Variants in BICRA observed in about 807,000 individuals in gnomAD.
BICRA encodes the protein BRD4 interacting chromatin remodeling complex associated protein, also known as BRD4-interacting chromatin-remodeling complex-associated protein.
BICRA carries 31 observed loss-of-function variants against 96.9 expected under a neutral mutation model. The ratio of observed to expected loss-of-function variants is 0.32; its 90% CI spans 0.24 to 0.43. The LOEUF (loss-of-function observed/expected upper bound fraction) is 0.43, where lower values mean the gene tolerates loss of function less well. Ranked by LOEUF, BICRA falls within the 20% of genes least tolerant of loss-of-function variation. The pLI is 1.00. For missense variants in BICRA, 2,283 were observed against 2,190.3 expected (o/e 1.04, Z -0.84); for synonymous variants, 1,350 against 1,071.8 (o/e 1.26, Z -5.07).
chr19:47,616,940 T>C (rs1164878502), intron 1 of BICRA, among the ~76,000 whole-genome samples: 2 of 152,024 alleles, frequency 1.3e-5, no homozygotes, highest in Non-Finnish European at 2.9e-5. Flanking sequence ...GTGATTCTTA[T>C]GTCTCAGCCT....
At chr19:47,653,096 C>G (rs535226094) in intron 1 of BICRA, among the ~76,000 whole-genome samples, 3 of 148,080 alleles carry the variant, frequency 2.0e-5, no homozygotes, top group East Asian at 2.0e-4. Context: ...GTTCTCAGCT[C>G]ACTGCAACCT....
intron 1 of BICRA, among the ~76,000 whole-genome samples, chr19:47,618,447 G>T (rs1206763297): frequency 6.6e-6 from 1 of 152,158 alleles, no homozygotes; most frequent in African/African-American, 2.4e-5. Context: ...TTTTGCAAGT[G>T]CCTGGCTCAG....
chr19:47,694,384 C>A lies in BICRA; in HGVS notation c.2553C>A (p.Ala851=). 3.4e-6 allele frequency: 4 copies of A among 1,169,866 alleles called. No individual in the cohort carries two copies. The highest frequency in any genetic ancestry group is 1.5e-5 in the African/African-American group (1 of 64,692). 72.5% of individuals were successfully genotyped at this position (1,169,866 alleles called of 1,614,324 possible). A position where few individuals can be genotyped will look rare whatever the true frequency, so the allele number is the denominator to read the frequency against. The change falls in exon 8 of 15, where the codon GCC becomes GCA. Residue 851 remains alanine, a synonymous_variant. Coordinates refer to ENST00000594866, the MANE Select transcript of BICRA (RefSeq NM_001394372.1). ...TTCCCCCGCCTGCCAGCAACCCGGC[C>A]CCTACTGCCCCAGGCCCGCCGCAGC... ...LGVPPPASNP[A]PTAPGPPQPP...
At chr19:47,692,602 C>T (rs1470111215) in intron 7 of BICRA, among the ~76,000 whole-genome samples, 1 of 152,212 alleles carries the variant, frequency 6.6e-6, no homozygotes, top group Non-Finnish European at 1.5e-5. Context: ...AGTCCCCAGA[C>T]CAAGCTGCCT....
At chr19:47,688,336 C>A (rs1973189700) in intron 7 of BICRA, among the ~76,000 whole-genome samples, 1 of 151,992 alleles carries the variant, frequency 6.6e-6, no homozygotes, top group Admixed American at 6.6e-5. Context: ...AGTTTTTTTG[C>A]TTTGGGAAGC....
At position 47,702,201 on chromosome 19, in the gene BICRA, A is replaced by G. The variant is rs747687068; in HGVS notation, c.4469A>G (p.Asp1490Gly). The G allele has an allele frequency of 9.7e-5, 154 of 1,594,470 alleles. No individual in the cohort carries two copies. The highest frequency in any genetic ancestry group is 1.3e-4 in the Non-Finnish European group (150 of 1,176,018). The stretch of plus-strand genomic sequence containing the variant: ...GTGGACCAGGCCAGCTTCTCCAGCG[A>G]CAGCCCGCAGGATGACACGCTCACC... ...PDVDQASFSSDSPQDDTLTEH... is the reference protein window; with the variant it reads ...PDVDQASFSSGSPQDDTLTEH... The change falls in exon 15 of 15, where the codon GAC becomes GGC. Residue 1490 changes from aspartate to glycine, a missense_variant. Asp to Gly is a moderately conservative substitution (Grantham distance 94). Transcript: ENST00000594866.
chr19:47,611,991 G>A (rs375105030), intron 1 of BICRA, among the ~76,000 whole-genome samples: 13 of 151,582 alleles, frequency 8.6e-5, no homozygotes, highest in Non-Finnish European at 1.6e-4. Flanking sequence ...CTGCCTCAGC[G>A]TCCCGAGTAG....
At chr19:47,697,881 A>G (rs1299072967) in intron 11 of BICRA, among the ~76,000 whole-genome samples, 1 of 152,116 alleles carries the variant, frequency 6.6e-6, no homozygotes, top group Non-Finnish European at 1.5e-5. Flanking sequence ...ATTTTTAAAT[A>G]ATTTTTGTAG....
intron 1 of BICRA, among the ~76,000 whole-genome samples, chr19:47,644,732 C>A (rs567577028): frequency 6.6e-6 from 1 of 152,242 alleles, no homozygotes; most frequent in South Asian, 2.1e-4. Flanking sequence ...AACTCCTGGC[C>A]TCAAGTGATC....
chr19:47,664,849 A>G (rs919307862), intron 1 of BICRA, among the ~76,000 whole-genome samples: 1 of 152,172 alleles, frequency 6.6e-6, no homozygotes, highest in Non-Finnish European at 1.5e-5. Flanking sequence ...TCTGCTCTGA[A>G]CAGACACAGT....
intron 1 of BICRA, among the ~76,000 whole-genome samples, chr19:47,666,897 A>G (rs1972787021): frequency 1.3e-5 from 2 of 152,140 alleles, no homozygotes; most frequent in South Asian, 4.1e-4. Flanking sequence ...TCTTTGAAGT[A>G]AAATTTTCCT....
intron 1 of BICRA, among the ~76,000 whole-genome samples, chr19:47,632,699 G>A (rs962429957): frequency 6.6e-6 from 1 of 152,166 alleles, no homozygotes; most frequent in African/African-American, 2.4e-5. Context: ...AGAGCAGAGA[G>A]CACACAGTCA....
intron 1 of BICRA, among the ~76,000 whole-genome samples, chr19:47,632,591 C>A (rs148817604): frequency 2.0e-5 from 3 of 152,326 alleles, no homozygotes; most frequent in Non-Finnish European, 4.4e-5. Context: ...GGGAACCGCA[C>A]GTGTGGGCTC....
At chr19:47,667,510 G>A (rs971568294) in intron 1 of BICRA, among the ~76,000 whole-genome samples, 1 of 152,148 alleles carries the variant, frequency 6.6e-6, no homozygotes, top group African/African-American at 2.4e-5. Flanking sequence ...GCCTACCAGA[G>A]CCAGGGAGGA....
intron 1 of BICRA, among the ~76,000 whole-genome samples, chr19:47,619,233 C>CTT (rs58149355): frequency 1.5e-4 from 21 of 136,316 alleles, no homozygotes; most frequent in Admixed American, 2.3e-4. Flanking sequence ...TTCCCAACCC[C>CTT]TTTTTTTTTT....
chr19:47,613,206 TC>T (rs1971934937), intron 1 of BICRA, among the ~76,000 whole-genome samples: 1 of 151,874 alleles, frequency 6.6e-6, no homozygotes, highest in South Asian at 2.1e-4. Context: ...AAGGGGGAGT[TC>T]CTGGGGGTGT....
rs749651960 is a variant in BICRA, at chr19:47,698,946, T to C, written c.3398-19T>C. The C allele has an allele frequency of 6.4e-6, 10 of 1,553,296 alleles. No individual in the cohort carries two copies. The highest frequency in any genetic ancestry group is 7.9e-6 in the Non-Finnish European group (9 of 1,143,724). On this transcript the variant is annotated intron_variant, in intron 12 of 14. Transcript: ENST00000594866. This position sits in a 1 kb window ranked among gnomAD's most constrained non-coding sequence, Gnocchi z 4.8. Reference sequence around the variant, plus strand: ...CGCCCCCAACATCTCCGCCCTTGCCTCTCTTCCCTTCCTCGCAGTGGACGA... The same window carrying C: ...CGCCCCCAACATCTCCGCCCTTGCCCCTCTTCCCTTCCTCGCAGTGGACGA...
rs140131878 is a variant in BICRA, at chr19:47,634,974, A to G, written c.-108+25806A>G. Among the ~76,000 whole-genome samples the G allele has an allele frequency of 4.0e-3, 613 of 151,924 alleles. 1 individual carries two copies. Among genetic ancestry groups the G allele is most frequent in the African/African-American group, 0.014 (567 of 41,460 alleles). On this transcript the variant is annotated intron_variant, in intron 1 of 14. Transcript: ENST00000594866. ...AGATGGGGTTTCACTGTGTTAGCCA[A>G]GATGGTCTCGATCTCCTGACCTCGT... is the stretch of plus-strand genomic sequence containing the variant.
chr19:47,674,028 G>A (rs904932528), intron 4 of BICRA, among the ~76,000 whole-genome samples: 5 of 152,152 alleles, frequency 3.3e-5, no homozygotes, highest in African/African-American at 1.2e-4. Flanking sequence ...AAATAATAAT[G>A]TCATTTGCAC....
Sources: allele counts gnomAD v4.1 joint callset (sites outside exome capture counted in the v4.1 genomes callset), GRCh38; gene constraint gnomAD v4.1.1; non-coding constraint Gnocchi (gnomAD v3.1); transcripts MANE v1.5; gene names NCBI Gene and HGNC (gene_info 2026-07-23, HGNC 2026-07-21).